Variants in DAB1 observed in about 807,000 individuals in gnomAD.
The protein encoded by DAB1 is DAB adaptor protein 1.
Under a neutral mutation model 64.6 loss-of-function variants are expected in DAB1, and 15 were observed. That is an observed-to-expected ratio of 0.23 (90% CI 0.16 to 0.36). The LOEUF (loss-of-function observed/expected upper bound fraction) is 0.36. Among genes scored for constraint, DAB1 ranks in the 10% least tolerant of loss-of-function variants. The pLI is 1.00. For missense variants in DAB1, 596 were observed against 706.7 expected (o/e 0.84, Z 1.78); for synonymous variants, 235 against 251.9 (o/e 0.93, Z 0.64).
At chr1:57,176,853 A>G (rs1301757071) in intron 2 of DAB1, among the ~76,000 whole-genome samples, 1 of 151,920 alleles carries the variant, frequency 6.6e-6, no homozygotes, top group East Asian at 1.9e-4. Context: ...CTATCTTTCT[A>G]ATATGAACTT....
chr1:57,070,461 C>T (rs139943135), intron 7 of DAB1, among the ~76,000 whole-genome samples: 3 of 152,238 alleles, frequency 2.0e-5, no homozygotes, highest in African/African-American at 7.2e-5. Context: ...GAAGAGAGTC[C>T]AGAGAAAGCT....
At chr1:57,277,625 C>A (rs1041900158) in intron 2 of DAB1, among the ~76,000 whole-genome samples, 2 of 152,192 alleles carry the variant, frequency 1.3e-5, no homozygotes, top group Admixed American at 6.5e-5. Flanking sequence ...GAATGACATT[C>A]AATGTCTTTA....
In DAB1 at chr1:57,606,764, T is replaced by A. The variant is rs1645657509; in HGVS notation, n.625+42828A>T. On this transcript the variant is annotated intron_variant and non_coding_transcript_variant, in intron 7 of 20. Coordinates refer to the DAB1 transcript ENST00000485760. Reference sequence around the variant, plus strand: ...TATTATATAAATATATTCTATATATTATATATAAATATATTTTATACATAT... The same window carrying A: ...TATTATATAAATATATTCTATATATAATATATAAATATATTTTATACATAT... 4.9e-5 allele frequency among the ~76,000 whole-genome samples: 5 copies of A among 102,396 alleles called. No homozygotes were observed. The South Asian group carries it at 1.8e-3, about 36-fold the overall frequency. 67.2% of individuals were successfully genotyped at this position (102,396 alleles called of 152,430 possible).
intron 3 of DAB1, among the ~76,000 whole-genome samples, chr1:58,400,110 G>A (rs1015698288): frequency 1.4e-4 from 22 of 151,884 alleles, no homozygotes; most frequent in African/African-American, 5.1e-4. Context: ...AAAGGAAATA[G>A]AGATCTGTCA....
chr1:57,421,085 T>G (rs1225057959), intron 1 of DAB1, among the ~76,000 whole-genome samples: 1 of 152,188 alleles, frequency 6.6e-6, no homozygotes, highest in African/African-American at 2.4e-5. Context: ...ATCTACCAAA[T>G]GCAATTTTTT....
chr1:57,842,542 C>A (rs78690078), intron 1 of DAB1, among the ~76,000 whole-genome samples: 250 of 152,238 alleles, frequency 1.6e-3, no homozygotes, highest in African/African-American at 5.8e-3. Flanking sequence ...AAAAAAAAGT[C>A]TAATTGGCTC....
chr1:57,365,605 G>A (rs993098609), intron 1 of DAB1, among the ~76,000 whole-genome samples: 35 of 152,060 alleles, frequency 2.3e-4, no homozygotes, highest in African/African-American at 8.4e-4. Context: ...TATCTTCAGT[G>A]TGCAGATGAG....
At chr1:58,187,809 C>T (rs561513433) in intron 4 of DAB1, among the ~76,000 whole-genome samples, 1 of 150,770 alleles carries the variant, frequency 6.6e-6, no homozygotes, top group African/African-American at 2.4e-5. Context: ...GAACTCCTGA[C>T]CTCAAGTGAT....
intron 7 of DAB1, among the ~76,000 whole-genome samples, chr1:57,499,025 G>A (rs1644260785): frequency 6.6e-6 from 1 of 152,080 alleles, no homozygotes; most frequent in Non-Finnish European, 1.5e-5. Context: ...TGCCAGGCTG[G>A]GGTGCAGTGG....
intron 2 of DAB1, among the ~76,000 whole-genome samples, chr1:58,524,043 G>C (rs936543243): frequency 6.6e-6 from 1 of 152,182 alleles, no homozygotes; most frequent in Non-Finnish European, 1.5e-5. Context: ...CTGGCAGCTG[G>C]TATTATCTTT....
chr1:58,259,152 T>G (rs1024549773), intron 4 of DAB1, among the ~76,000 whole-genome samples: 2 of 152,214 alleles, frequency 1.3e-5, no homozygotes, highest in Admixed American at 1.3e-4. Context: ...TCCCTTTTCT[T>G]GTAGGGATAT....
In DAB1 at chr1:58,151,030, T is replaced by C. The variant is rs1267725807; in HGVS notation, n.310-442A>G. Among the ~76,000 whole-genome samples the C allele has an allele frequency of 2.0e-5, 3 of 152,224 alleles. No individual in the cohort carries two copies. The East Asian group carries it at 5.8e-4, about 29-fold the overall frequency. On this transcript the variant is annotated intron_variant and non_coding_transcript_variant, in intron 4 of 20. Transcript: ENST00000485760. ...CTACAAAGGACATGAACCCATCATT[T>C]TTTATGGCTGCATAGTATTCCATGA...
At chr1:57,962,991 C>T (rs7514245) in intron 5 of DAB1, among the ~76,000 whole-genome samples, 2,101 of 152,184 alleles carry the variant, frequency 0.014, 53 homozygotes, top group African/African-American at 0.048. Context: ...ATATAACATG[C>T]TTCATTCCCC....
chr1:57,011,932 T>C (rs1195827593), intron 12 of DAB1, among the ~76,000 whole-genome samples: 2 of 152,194 alleles, frequency 1.3e-5, no homozygotes, highest in African/African-American at 4.8e-5. Context: ...GTCTCAGTGA[T>C]CTGGGAAAAT....
At chr1:57,441,318 C>G (rs1262018454) in intron 7 of DAB1, among the ~76,000 whole-genome samples, 1 of 96,680 alleles carries the variant, frequency 1.0e-5, no homozygotes, top group Non-Finnish European at 2.1e-5. Context: ...TTCTTTCTTT[C>G]TTCTTTCCTC....
chr1:57,752,165 C>G (rs1648586872), intron 6 of DAB1, among the ~76,000 whole-genome samples: 2 of 152,238 alleles, frequency 1.3e-5, no homozygotes, highest in African/African-American at 4.8e-5. Context: ...CATATAATTT[C>G]TGGTAAACAC....
chr1:57,953,081 C>A (rs1645312354), intron 5 of DAB1, among the ~76,000 whole-genome samples: 1 of 152,208 alleles, frequency 6.6e-6, no homozygotes, highest in African/African-American at 2.4e-5. Context: ...GCAAACAACT[C>A]TTTCATTAAG....
intron 2 of DAB1, among the ~76,000 whole-genome samples, chr1:57,177,999 G>C (rs1662511767): frequency 6.6e-6 from 1 of 152,022 alleles, no homozygotes; most frequent in African/African-American, 2.4e-5. Context: ...TGAGAATATA[G>C]TTTTCTCATC....
intron 4 of DAB1, among the ~76,000 whole-genome samples, chr1:57,096,518 G>A (rs186159243): frequency 2.4e-4 from 37 of 152,174 alleles, no homozygotes; most frequent in South Asian, 6.2e-4. Flanking sequence ...TTTCTGCTCT[G>A]CATCCCCATC....
Sources: gnomAD v4.1 joint callset for allele counts (sites outside exome capture counted in the v4.1 genomes callset) on GRCh38, gnomAD v4.1.1 for gene constraint, MANE v1.5 for transcripts, NCBI Gene and HGNC (gene_info 2026-07-23, HGNC 2026-07-21) for gene names.